KIF13B: variants seen among roughly 807,000 people sequenced by gnomAD.
KIF13B encodes kinesin family member 13B, also known as kinesin-like protein KIF13B.
A neutral mutation model predicts 222.0 loss-of-function variants in KIF13B; 127 were observed. The ratio of observed to expected loss-of-function variants is 0.57; its 90% confidence interval spans 0.50 to 0.66. The LOEUF is 0.66. Ranked by LOEUF, KIF13B falls within the 30% of genes least tolerant of loss-of-function variation. The pLI is 0.00. For synonymous variants in KIF13B, 976 were observed against 919.0 expected (o/e 1.06, Z -1.12); for missense variants, 2,173 against 2,379.0 (o/e 0.91, Z 1.80).
chr8:29,081,832 G>C (rs541244536), intron 37 of KIF13B, among the ~76,000 whole-genome samples: 50 of 152,234 alleles, frequency 3.3e-4, no homozygotes, highest in Non-Finnish European at 4.8e-4. Context: ...GTGGTGCCAG[G>C]TATGCTGGAA....
At chr8:29,212,693 G>T (rs1465255880) in intron 2 of KIF13B, among the ~76,000 whole-genome samples, 1 of 151,134 alleles carries the variant, frequency 6.6e-6, no homozygotes, top group East Asian at 1.9e-4. Flanking sequence ...ATTTCCCTTG[G>T]GTACCTAAAA....
intron 26 of KIF13B, among the ~76,000 whole-genome samples, chr8:29,126,217 C>A (rs555744998): frequency 1.3e-5 from 2 of 152,080 alleles, no homozygotes; most frequent in African/African-American, 2.4e-5. Context: ...GGAAGAGGAT[C>A]CAGAGAAACG....
At chr8:29,094,371 AAC>A (rs1436693369) in intron 36 of KIF13B, among the ~76,000 whole-genome samples, 1 of 152,246 alleles carries the variant, frequency 6.6e-6, no homozygotes, top group South Asian at 2.1e-4. Context: ...TTCTTCAACA[AAC>A]ACAATGCATG....
chr8:29,256,290 A>C (rs1181951637), intron 1 of KIF13B, among the ~76,000 whole-genome samples: 3 of 152,172 alleles, frequency 2.0e-5, no homozygotes, highest in African/African-American at 7.2e-5. Flanking sequence ...TAAATCAGAG[A>C]CTTTGCAGCG....
intron 2 of KIF13B, among the ~76,000 whole-genome samples, chr8:29,214,191 C>A (rs975297330): frequency 2.0e-5 from 3 of 152,092 alleles, no homozygotes; most frequent in Non-Finnish European, 2.9e-5. Flanking sequence ...AATTTATTTT[C>A]AAAAATGTTT....
At position 29,156,135 on chromosome 8, in the gene KIF13B, A is replaced by AT. The variant is rs773526063; in HGVS notation, c.1405-280dup. On this transcript the variant is annotated intron_variant, in intron 13 of 39. Transcript: ENST00000524189. ...AGGCATGCACCACCATGCCCAGCTC[A>AT]TTTTTTTGTATTTTTAGTACAGACA... is the stretch of plus-strand genomic sequence containing the variant. 1.9e-4 allele frequency among the ~76,000 whole-genome samples: 29 copies of AT among 151,954 alleles called. No individual in the cohort carries two copies. In the East Asian group the frequency reaches 3.9e-3, roughly 20 times the overall value.
rs1048550520 is a variant in KIF13B, at chr8:29,169,052, C to G, written c.946-1467G>C. On this transcript the variant is annotated intron_variant, in intron 10 of 39. Transcript: ENST00000524189. Reference sequence around the variant, plus strand: ...CAATGGGCCAGTAATGGGAAACTCACTAGAGCATAAGAAAGCTAACTCTAC... The same window carrying G: ...CAATGGGCCAGTAATGGGAAACTCAGTAGAGCATAAGAAAGCTAACTCTAC... 3.3e-5 allele frequency among the ~76,000 whole-genome samples: 5 copies of G among 152,184 alleles called. No individual in the cohort carries two copies. In the East Asian group the frequency reaches 5.8e-4, roughly 18 times the overall value.
chr8:29,076,041 C>G (rs1239796480), intron 37 of KIF13B, among the ~76,000 whole-genome samples: 2 of 152,190 alleles, frequency 1.3e-5, no homozygotes, highest in Non-Finnish European at 2.9e-5. Flanking sequence ...GGCCTGGTTA[C>G]TTGTGGACAC....
intron 16 of KIF13B, among the ~76,000 whole-genome samples, chr8:29,148,139 A>G (rs1811138436): frequency 6.6e-6 from 1 of 152,236 alleles, no homozygotes; most frequent in Non-Finnish European, 1.5e-5. Context: ...CAGGAGGCAG[A>G]GGTTGCAGGG....
At chr8:29,085,104 C>CA (rs1397253925) in intron 37 of KIF13B, among the ~76,000 whole-genome samples, 3 of 152,170 alleles carry the variant, frequency 2.0e-5, no homozygotes, top group Middle Eastern at 6.8e-3. Flanking sequence ...TTTTGTCTTA[C>CA]AAAAAAAGAT....
rs529197437 is a variant in KIF13B, at chr8:29,189,144, G to A, written c.224-537C>T. 5.3e-5 allele frequency among the ~76,000 whole-genome samples: 8 copies of A among 152,140 alleles called. No individual in the cohort carries two copies. In the South Asian group the frequency reaches 1.0e-3, roughly 20 times the overall value. Reference sequence around the variant, plus strand: ...TAAAGAACAGAGTCAAATTCTCCCCGACAGGCCAAATGAGATATGTCACTA... The same window carrying A: ...TAAAGAACAGAGTCAAATTCTCCCCAACAGGCCAAATGAGATATGTCACTA... On this transcript the variant is annotated intron_variant, in intron 4 of 39. Transcript: ENST00000524189.
At chr8:29,082,655 A>C (rs905550209) in intron 37 of KIF13B, among the ~76,000 whole-genome samples, 9 of 151,864 alleles carry the variant, frequency 5.9e-5, no homozygotes, top group Non-Finnish European at 1.3e-4. Flanking sequence ...TAAATTAAAA[A>C]AAAATAAAAC....
At chr8:29,109,016 G>A (rs558257874) in intron 34 of KIF13B, among the ~76,000 whole-genome samples, 8 of 152,120 alleles carry the variant, frequency 5.3e-5, no homozygotes, top group Non-Finnish European at 1.0e-4. Flanking sequence ...TGTATCTGAC[G>A]CATGGACACC....
chr8:29,179,579 C>A (rs376112770), intron 8 of KIF13B, among the ~76,000 whole-genome samples: 6 of 152,202 alleles, frequency 3.9e-5, no homozygotes, highest in South Asian at 4.1e-4. Flanking sequence ...GACTCCCTGG[C>A]CACCCAGGCT....
At position 29,165,769 on chromosome 8, in the gene KIF13B, T is replaced by C. The variant is rs1444242139; in HGVS notation, c.1162A>G (p.Met388Val). ...LREQLTKAEA[M>V]KSPELKDRLE... is the part of the protein sequence containing the mutation. Reference sequence around the variant, plus strand: ...CGGTCCTTTAGCTCTGGAGATTTCATTGCCTACAAGCAAAATGTTTACTTC... The same window carrying C: ...CGGTCCTTTAGCTCTGGAGATTTCACTGCCTACAAGCAAAATGTTTACTTC... Residue 388 changes from methionine to valine, a missense_variant, in exon 12 of 40, where the codon ATG (methionine) becomes GTG (valine). This residue lies in a region of KIF13B where 1,480 missense variants were observed against 1,722.8 expected (regional missense o/e 0.86). Transcript: ENST00000524189. The C allele has an allele frequency of 4.4e-6, 7 of 1,608,284 alleles. No individual in the cohort carries two copies. The highest frequency in any genetic ancestry group is 2.2e-5 in the South Asian group (2 of 90,934).
rs1332242676 is a variant in KIF13B at position 29,172,011 on chromosome 8, GC to G, written c.945+4056del. Among the ~76,000 whole-genome samples the G allele has an allele frequency of 2.2e-4, 33 of 149,838 alleles. 2 individuals are homozygous for G. The highest frequency in any genetic ancestry group is 2.1e-3 in the Admixed American group (32 of 14,970). Reference sequence around the variant, plus strand: ...GGCCTCAGGTGATCTGTCCACCTCGGCCCCCCAAAGTGCTAGGATTACAGGC... The same window carrying G: ...GGCCTCAGGTGATCTGTCCACCTCGGCCCCCAAAGTGCTAGGATTACAGGC... On this transcript the variant is annotated intron_variant, in intron 10 of 39. Transcript: ENST00000524189.
At chr8:29,237,397 T>C (rs1183986231) in intron 2 of KIF13B, among the ~76,000 whole-genome samples, 1 of 152,170 alleles carries the variant, frequency 6.6e-6, no homozygotes, top group Non-Finnish European at 1.5e-5. Flanking sequence ...TCCAGAATTC[T>C]AGGGAAATTC....
chr8:29,235,861 T>C (rs1011168819), intron 2 of KIF13B, among the ~76,000 whole-genome samples: 1 of 152,066 alleles, frequency 6.6e-6, no homozygotes, highest in African/African-American at 2.4e-5. Context: ...CACAAGGCAA[T>C]GAGGTCCTTC....
chr8:29,127,032 G>T, intron 25 of KIF13B, 90 bp downstream of exon 25: 2 of 1,125,776 alleles, frequency 1.8e-6, no homozygotes, highest in Non-Finnish European at 1.3e-6. Context: ...GGAAAGAAAT[G>T]TTCATAAAAA....
Sources: gnomAD v4.1 joint callset for allele counts (sites outside exome capture counted in the v4.1 genomes callset) on GRCh38, gnomAD v4.1.1 for gene constraint, gnomAD v4.1.1 regional missense constraint, MANE v1.5 for transcripts, NCBI Gene and HGNC (gene_info 2026-07-23, HGNC 2026-07-21) for gene names.